GGNBP2: variants seen among roughly 807,000 people sequenced by gnomAD.
GGNBP2 encodes gametogenetin-binding protein 2.
Under a neutral mutation model 85.9 loss-of-function variants are expected in GGNBP2, and 10 were observed. That is an observed-to-expected ratio of 0.12 (90% CI 0.07 to 0.20). The LOEUF is 0.20. GGNBP2 is among the 10% of genes least tolerant of loss of function. GGNBP2 has a pLI of 1.00. For synonymous variants in GGNBP2, 287 were observed against 285.7 expected (o/e 1.00, Z -0.05); for missense variants, 595 against 857.8 (o/e 0.69, Z 3.83).
intron 2 of GGNBP2, among the ~76,000 whole-genome samples, chr17:36,551,611 C>T (rs904366682): frequency 4.6e-5 from 7 of 151,690 alleles, no homozygotes; most frequent in South Asian, 4.2e-4. Flanking sequence ...TTGGAGGCCT[C>T]GGAGAGTGGA....
intron 1 of GGNBP2, 118 bp from the exon 2 acceptor site, chr17:36,545,501 C>G (rs1302366535): frequency 6.7e-6 from 3 of 448,930 alleles, no homozygotes; most frequent in Admixed American, 4.1e-5. Context: ...TGTGTGGAAT[C>G]GGGTGATGGG....
At chr17:36,562,550 C>T (rs577848793) in intron 5 of GGNBP2, among the ~76,000 whole-genome samples, 7 of 150,610 alleles carry the variant, frequency 4.6e-5, no homozygotes, top group African/African-American at 9.8e-5. Context: ...CCTGAACTTC[C>T]GAGTTACACC....
chr17:36,581,294 A>AG, intron 8 of GGNBP2, 50 bp from the exon 9 acceptor site: 1 of 1,290,828 alleles, frequency 7.7e-7, no homozygotes, highest in Non-Finnish European at 1.1e-6. Context: ...CAAAAAAAAA[A>AG]GAAAAGAAGT....
chr17:36,574,822 C>G, intron 6 of GGNBP2: 1 of 677,558 alleles, frequency 1.5e-6, no homozygotes, highest in East Asian at 2.7e-5. Context: ...GCTTGCTGAT[C>G]TTGTTCCCCC....
intron 9 of GGNBP2, chr17:36,582,135 T>G (rs1309671469): frequency 6.6e-6 from 1 of 152,202 alleles, no homozygotes; most frequent in Non-Finnish European, 1.5e-5. Flanking sequence ...CACCTCAGCC[T>G]CCCAAAATGC....
chr17:36,581,373 C>T lies in GGNBP2; in HGVS notation c.1050C>T (p.Ser350=). The change falls in exon 9 of 14, where the codon AGC becomes AGT. Residue 350 remains serine (S), a synonymous_variant. Transcript: ENST00000613102. ...CCGTGGAAAAAGTACAGGGTATTAG[C>T]AGATTGGAACAACTTTGTGAGGAAT... ...EMTVEKVQGI[S]RLEQLCEEFS... The T allele has an allele frequency of 6.2e-7, 1 of 1,612,350 alleles. No homozygotes were observed. Among genetic ancestry groups the T allele is most frequent in the Non-Finnish European group, 8.5e-7 (1 of 1,179,032 alleles).
In GGNBP2 at chr17:36,581,345, T is replaced by C. The variant is rs763729553; in HGVS notation, c.1022T>C (p.Met341Thr). 6 of 1,582,452 alleles carry C rather than the reference T, an allele frequency of 3.8e-6. No individual in the cohort carries two copies. The Admixed American group carries it at 1.1e-4, about 30-fold the overall frequency. ...GVDALRKSFE[M>T]TVEKVQGISR... The stretch of plus-strand genomic sequence containing the variant: ...CCCTCAACCTTATTTTTATAATAGA[T>C]GACCGTGGAAAAAGTACAGGGTATT... Residue 341 changes from methionine (M) to threonine (T), a missense_variant and splice_region_variant, in exon 9 of 14, where the codon ATG becomes ACG. By Grantham distance (81) the Met-to-Thr change is moderately conservative. Transcript: ENST00000613102.
chr17:36,578,191 G>A lies in GGNBP2; in HGVS notation c.845+5G>A. 2 of 1,599,246 alleles carry A rather than the reference G, an allele frequency of 1.3e-6. No homozygotes were observed. The highest frequency in any genetic ancestry group is 1.1e-5 in the South Asian group (1 of 90,056). On this transcript the variant is annotated splice_donor_5th_base_variant and intron_variant, in intron 7 of 13. Coordinates refer to ENST00000613102, the MANE Select transcript of GGNBP2 (RefSeq NM_024835.5). The stretch of plus-strand genomic sequence containing the variant: ...TGAGCCAGAGTTCGCAGGAGGGTAT[G>A]AGTATGTAATTTGCTAGAATGGGCT...
intron 6 of GGNBP2, 38 bp downstream of exon 6, chr17:36,567,814 G>GACTGACACATAAGGCA: frequency 1.8e-6 from 2 of 1,096,782 alleles, no homozygotes; most frequent in Non-Finnish European, 2.8e-6. Context: ...TGTGGAAGGT[G>GACTGACACATAAGGCA]CCTTATGTGT....
chr17:36,589,549 G>A lies in GGNBP2; in HGVS notation c.*138G>A. Reference sequence around the variant, plus strand: ...GTGATTCTTTCTTGTTTTGGGAGACGGTGGAGGTATCCTCATTAGTTCTTT... The same window carrying A: ...GTGATTCTTTCTTGTTTTGGGAGACAGTGGAGGTATCCTCATTAGTTCTTT... On this transcript the variant is annotated 3_prime_UTR_variant, in exon 14 of 14. Coordinates refer to ENST00000613102, the MANE Select transcript of GGNBP2 (RefSeq NM_024835.5). 3 of 654,638 alleles carry A rather than the reference G, an allele frequency of 4.6e-6. No individual in the cohort carries two copies. The highest frequency in any genetic ancestry group is 5.3e-6 in the Non-Finnish European group (2 of 378,946). The allele number at this position is 654,638 out of a possible 1,614,324, so 40.6% of individuals were successfully genotyped here.
chr17:36,579,235 C>G lies in GGNBP2; in HGVS notation c.846-10C>G, dbSNP rs1245941550. On this transcript the variant is annotated splice_polypyrimidine_tract_variant and intron_variant, in intron 7 of 13. Coordinates refer to ENST00000613102, the MANE Select transcript of GGNBP2 (RefSeq NM_024835.5). The stretch of plus-strand genomic sequence containing the variant: ...TAAAGGTATTAGTGTGTGATTATTC[C>G]CTTTTATAGGCGAAGAGAAAGGCAT... The G allele has an allele frequency of 1.2e-6, 2 of 1,610,988 alleles. No individual in the cohort carries two copies. Among genetic ancestry groups the G allele is most frequent in the Non-Finnish European group, 1.7e-6 (2 of 1,177,686 alleles).
intron 10 of GGNBP2, 33 bp from the exon 11 acceptor site, chr17:36,585,807 G>A: frequency 1.3e-6 from 2 of 1,592,000 alleles, no homozygotes; most frequent in Non-Finnish European, 1.7e-6. Flanking sequence ...TTATTGGTAT[G>A]TTAATAGTAA....
At chr17:36,584,790 C>G (rs1038170409) in intron 9 of GGNBP2, among the ~76,000 whole-genome samples, 1 of 152,018 alleles carries the variant, frequency 6.6e-6, no homozygotes, top group Non-Finnish European at 1.5e-5. Flanking sequence ...AACCCTGTCT[C>G]TACAAAGGAA....
At chr17:36,567,031 G>A (rs2074475520) in intron 5 of GGNBP2, among the ~76,000 whole-genome samples, 1 of 151,926 alleles carries the variant, frequency 6.6e-6, no homozygotes, top group African/African-American at 2.4e-5. Flanking sequence ...AAAATTACTT[G>A]ATGATGATCT....
intron 2 of GGNBP2, among the ~76,000 whole-genome samples, chr17:36,549,238 T>A (rs886495687): frequency 4.6e-5 from 7 of 152,188 alleles, no homozygotes; most frequent in African/African-American, 1.7e-4. Context: ...AGTCTCGCTC[T>A]GTCGCCCAGG....
At chr17:36,567,019 A>C (rs2074475386) in intron 5 of GGNBP2, among the ~76,000 whole-genome samples, 2 of 152,054 alleles carry the variant, frequency 1.3e-5, no homozygotes, top group Admixed American at 6.6e-5. Context: ...AAAAGTAAAA[A>C]AAAAATTACT....
At chr17:36,577,177 A>G (rs1039439398) in intron 6 of GGNBP2, 4 of 152,206 alleles carry the variant, frequency 2.6e-5, no homozygotes, top group Non-Finnish European at 5.9e-5. Flanking sequence ...CCACCTGACC[A>G]AGTTCTTCTT....
At chr17:36,569,817 A>G (rs927723197) in intron 6 of GGNBP2, among the ~76,000 whole-genome samples, 2 of 152,198 alleles carry the variant, frequency 1.3e-5, no homozygotes, top group African/African-American at 4.8e-5. Flanking sequence ...TGCAGGTGAT[A>G]AATGACAAGT....
At chr17:36,575,679 T>C (rs1482906125) in intron 6 of GGNBP2, among the ~76,000 whole-genome samples, 10 of 132,556 alleles carry the variant, frequency 7.5e-5, no homozygotes, top group Non-Finnish European at 1.2e-4. Flanking sequence ...GGAGTTTCGC[T>C]CTTCTTATGC....
Sources: gnomAD v4.1 joint callset for allele counts (sites outside exome capture counted in the v4.1 genomes callset) on GRCh38, gnomAD v4.1.1 for gene constraint, MANE v1.5 for transcripts, NCBI Gene and HGNC (gene_info 2026-07-23, HGNC 2026-07-21) for gene names.